Variants in SSC4D observed in about 807,000 individuals in gnomAD.
SSC4D encodes scavenger receptor cysteine rich family member with 4 domains.
In SSC4D, 57 loss-of-function variants were observed where a neutral mutation model predicts 63.4. That is an observed-to-expected ratio of 0.90 (90% CI 0.73 to 1.12). SSC4D has a LOEUF of 1.12. SSC4D is among the 50% of genes most tolerant of loss of function. SSC4D has a pLI of 0.00. For missense variants in SSC4D, 791 were observed against 806.4 expected, an observed-to-expected ratio of 0.98 and a Z score of 0.23; for synonymous variants, 352 against 345.4, an observed-to-expected ratio of 1.02 and a Z score of -0.21.
intron 1 of SSC4D, 87 bp downstream of exon 1, chr7:76,409,327 A>AGT (rs1563689254): frequency 0.03 from 686 of 23,212 alleles, 5 homozygotes; most frequent in African/African-American, 0.11. Flanking sequence ...TCTGTCTCAC[A>AGT]CACACACACA....
chr7:76,405,274 TATATATATATATATATATATATATA>T (rs1804964894), intron 1 of SSC4D, among the ~76,000 whole-genome samples: 6 of 21,250 alleles, frequency 2.8e-4, no homozygotes, highest in East Asian at 4.7e-3. Context: ...CAGCTAATTA[TATATATATATATATATATATATATA>T]TATATATATA....
chr7:76,390,410 G>A, intron 10 of SSC4D, 35 bp from the exon 11 acceptor site: 1 of 1,538,744 alleles, frequency 6.5e-7, no homozygotes, highest in South Asian at 1.3e-5. Context: ...GAAGGGGCTG[G>A]TCCATGCCAG....
Position 76,404,639 on chromosome 7 carries a change from T to C in SSC4D, c.-66-134A>G, listed in dbSNP as rs11760803. 0.45 allele frequency: 317,205 copies of C among 699,752 alleles called. 73,681 individuals carry two copies. The highest frequency in any genetic ancestry group is 0.57 in the African/African-American group (31,313 of 55,092). The allele number at this position is 699,752 out of a possible 1,614,324, so 43.3% of individuals were successfully genotyped here. A position where few individuals can be genotyped will look rare whatever the true frequency, so the allele number is the denominator to read the frequency against. On this transcript the variant is annotated intron_variant, in intron 1 of 10. Transcript: ENST00000275560. ...AGACCCCCATCTCTACAAAAAGTTT[T>C]TAAAAATGAGGCCGGGTGTGGTGGC...
chr7:76,394,835 AT>A (rs1315005272), intron 7 of SSC4D, among the ~76,000 whole-genome samples: 1 of 145,036 alleles, frequency 6.9e-6, no homozygotes, highest in Non-Finnish European at 1.5e-5. Flanking sequence ...TATGATATAT[AT>A]TATATATAAG....
At chr7:76,393,796 C>A in intron 8 of SSC4D, 34 bp downstream of exon 8, 1 of 1,475,084 alleles carries the variant, frequency 6.8e-7, no homozygotes, top group Non-Finnish European at 8.9e-7. Flanking sequence ...CCTACCCTTC[C>A]CCATCCCCCG....
intron 2 of SSC4D, among the ~76,000 whole-genome samples, chr7:76,401,552 G>A (rs1466611762): frequency 1.3e-5 from 2 of 152,124 alleles, no homozygotes; most frequent in East Asian, 3.9e-4. Flanking sequence ...GAGTAGCTGG[G>A]ATTACAGGTG....
rs1804677661 is a variant in SSC4D at position 76,397,573 on chromosome 7, C to G, written c.813G>C (p.Leu271=). Residue 271 remains leucine (L), a synonymous_variant, in exon 6 of 11, where the codon CTG becomes CTC. Coordinates refer to ENST00000275560, the MANE Select transcript of SSC4D (RefSeq NM_080744.2). ...GGCCGCAGTTGTGCACACCCCAGCC[C>G]AGGCTCTGGCAGGCTGCCAGGCGGG... ...GEPRLAACQS[L]GWGVHNCGHH... 1.9e-6 allele frequency: 3 copies of G among 1,608,128 alleles called. No homozygotes were observed. Among genetic ancestry groups the G allele is most frequent in the Admixed American group, 3.4e-5 (2 of 59,012 alleles).
chr7:76,393,400 C>T lies in SSC4D; in HGVS notation c.1333+5G>A, dbSNP rs776998233. 7.8e-6 allele frequency: 11 copies of T among 1,406,940 alleles called. No homozygotes were observed. Among genetic ancestry groups the T allele is most frequent in the Non-Finnish European group, 7.4e-6 (8 of 1,081,028 alleles). The allele number at this position is 1,406,940 out of a possible 1,614,324, so 87.2% of individuals were successfully genotyped here. A position where few individuals can be genotyped will look rare whatever the true frequency, so the allele number is the denominator to read the frequency against. ...TGTCAGCCTCACCTTCGCTGTCAGCCTCACCTGCGCAGAGCGCTCCCGCGT... is the reference window on the plus strand; with the variant it reads ...TGTCAGCCTCACCTTCGCTGTCAGCTTCACCTGCGCAGAGCGCTCCCGCGT... On this transcript the variant is annotated splice_donor_5th_base_variant and intron_variant, in intron 9 of 10. Transcript: ENST00000275560.
chr7:76,390,442 G>A, intron 10 of SSC4D, 67 bp from the exon 11 acceptor site: 1 of 1,455,446 alleles, frequency 6.9e-7, no homozygotes, highest in South Asian at 1.4e-5. Context: ...GCTAGGTCAG[G>A]TTGGCAGTAA....
Position 76,390,015 on chromosome 7 carries a change from G to A in SSC4D, c.*44C>T, listed in dbSNP as rs774806310. On this transcript the variant is annotated 3_prime_UTR_variant, in exon 11 of 11. Coordinates refer to ENST00000275560, the MANE Select transcript of SSC4D (RefSeq NM_080744.2). ...AGGGCTTCCTGGAGGAGGAAGGGAG[G>A]TCACAGCTCCCAGAAGAAGAGGTGG... 37 of 1,611,254 alleles carry A rather than the reference G, an allele frequency of 2.3e-5. No homozygotes were observed. In the South Asian group the frequency reaches 4.1e-4, roughly 18 times the overall value.
chr7:76,395,143 C>G (rs1804606522), intron 7 of SSC4D, 110 bp downstream of exon 7: 1 of 1,278,378 alleles, frequency 7.8e-7, no homozygotes, highest in Non-Finnish European at 1.1e-6. Flanking sequence ...TGGCCAAAGC[C>G]CTGGCCTGTT....
At chr7:76,402,150 G>T (rs1784578581) in intron 2 of SSC4D, among the ~76,000 whole-genome samples, 1 of 151,036 alleles carries the variant, frequency 6.6e-6, no homozygotes, top group Non-Finnish European at 1.5e-5. Context: ...CTCCAGAATA[G>T]CTGGGACAAG....
At chr7:76,401,170 G>A in intron 2 of SSC4D, 127 bp from the exon 3 acceptor site, 2 of 1,292,030 alleles carry the variant, frequency 1.5e-6, no homozygotes, top group Non-Finnish European at 2.1e-6. Context: ...CAGTACCCCT[G>A]CTTTGCCAAA....
At chr7:76,401,288 T>C (rs923992605) in intron 2 of SSC4D, among the ~76,000 whole-genome samples, 1 of 152,180 alleles carries the variant, frequency 6.6e-6, no homozygotes, top group South Asian at 2.1e-4. Context: ...AATCTGTAGA[T>C]CTGCACATCT....
At chr7:76,390,483 C>G in intron 10 of SSC4D, 108 bp from the exon 11 acceptor site, 1 of 983,654 alleles carries the variant, frequency 1.0e-6, no homozygotes, top group Non-Finnish European at 1.5e-6. Context: ...GAGCACTGCC[C>G]TAGGAGCCGC....
chr7:76,393,473 T>A lies in SSC4D; in HGVS notation c.1265A>T (p.Asp422Val). Residue 422 changes from aspartate (D) to valine (V), a missense_variant, in exon 9 of 11, where the codon GAC (aspartate) becomes GTC (valine). Transcript: ENST00000275560. ...CTGGCCCCAGCCCAGGTGGAAGCAG[T>A]CGCTCAGGCGAGCCTCGGTGCCGGC... ...GCAGTEARLS[D>V]CFHLGWGQHN... 1 of 1,526,776 alleles carries A rather than the reference T, an allele frequency of 6.5e-7. No homozygotes were observed. The highest frequency in any genetic ancestry group is 8.7e-7 in the Non-Finnish European group (1 of 1,144,642). 94.6% of individuals were successfully genotyped at this position (1,526,776 alleles called of 1,614,324 possible).
chr7:76,406,914 T>A (rs1805053348), intron 1 of SSC4D, among the ~76,000 whole-genome samples: 1 of 152,132 alleles, frequency 6.6e-6, no homozygotes, highest in Non-Finnish European at 1.5e-5. Context: ...ATTTACTTAA[T>A]ATTTTTCTCA....
chr7:76,393,287 G>T, intron 9 of SSC4D, 118 bp downstream of exon 9: 1 of 1,101,736 alleles, frequency 9.1e-7, no homozygotes, highest in Non-Finnish European at 1.2e-6. Context: ...TCTGCGGAGT[G>T]CGCATGCTCC....
intron 6 of SSC4D, 78 bp downstream of exon 6, chr7:76,397,440 C>G (rs1326592143): frequency 1.4e-6 from 2 of 1,425,794 alleles, no homozygotes; most frequent in Non-Finnish European, 1.8e-6. Context: ...ACCTCCCCAC[C>G]GAAGCCTCCT....
Sources: allele counts gnomAD v4.1 joint callset (sites outside exome capture counted in the v4.1 genomes callset), GRCh38; gene constraint gnomAD v4.1.1; transcripts MANE v1.5; gene names NCBI Gene and HGNC (gene_info 2026-07-23, HGNC 2026-07-21).